MTSS1: variants seen among roughly 807,000 people sequenced by gnomAD.
MTSS1 encodes MTSS I-BAR domain containing 1, also known as protein MTSS 1.
MTSS1 carries 18 observed loss-of-function variants against 79.0 expected under a neutral mutation model. The ratio of observed to expected loss-of-function variants is 0.23; its 90% CI spans 0.16 to 0.34. The LOEUF is 0.34. Ranked by LOEUF, MTSS1 falls within the 10% of genes least tolerant of loss-of-function variation. MTSS1 has a pLI of 1.00. For synonymous variants in MTSS1, 341 were observed against 368.6 expected (o/e 0.93, Z 0.86); for missense variants, 815 against 986.2 (o/e 0.83, Z 2.33).
intron 8 of MTSS1, 48 bp downstream of exon 8, chr8:124,567,023 T>C: frequency 6.8e-7 from 1 of 1,462,982 alleles, no homozygotes; most frequent in Non-Finnish European, 9.6e-7. Context: ...GCCTTGAGCT[T>C]TTACCTCTTT....
intron 1 of MTSS1, among the ~76,000 whole-genome samples, chr8:124,712,050 G>A (rs573120184): frequency 6.6e-6 from 1 of 151,518 alleles, no homozygotes; most frequent in East Asian, 1.9e-4. Flanking sequence ...ACACAACAAA[G>A]AGTGGGTAGA....
intron 1 of MTSS1, among the ~76,000 whole-genome samples, chr8:124,705,859 G>A (rs560544526): frequency 7.5e-4 from 114 of 152,264 alleles, no homozygotes; most frequent in Middle Eastern, 6.8e-3. Flanking sequence ...TAGCAGTATC[G>A]CTATCTTCCA....
chr8:124,587,960 C>T (rs150332661), intron 5 of MTSS1, among the ~76,000 whole-genome samples: 238 of 152,296 alleles, frequency 1.6e-3, no homozygotes, highest in Non-Finnish European at 2.3e-3. Flanking sequence ...AATGAAGACA[C>T]GACTTCAGGA....
intron 3 of MTSS1, among the ~76,000 whole-genome samples, chr8:124,608,688 C>T (rs1055387590): frequency 2.6e-5 from 4 of 152,100 alleles, no homozygotes; most frequent in African/African-American, 9.7e-5. Context: ...TAGACAAAGG[C>T]AAGGATGGTA....
chr8:124,553,708 G>A lies in MTSS1; in HGVS notation c.1568-16C>T. ...TAATCTGAAACTGATTATAGGATTT[G>A]ATTAGACATATTCAAGACAGCAGCT... On this transcript the variant is annotated splice_polypyrimidine_tract_variant and intron_variant, in intron 13 of 13. Coordinates refer to ENST00000518547, the MANE Select transcript of MTSS1 (RefSeq NM_014751.6). The surrounding 1 kb of genome is among the most constrained non-coding windows in gnomAD (Gnocchi z 6.0). The A allele has an allele frequency of 1.3e-6, 2 of 1,587,680 alleles. No homozygotes were observed. Among genetic ancestry groups the A allele is most frequent in the Non-Finnish European group, 1.7e-6 (2 of 1,163,994 alleles).
At chr8:124,662,383 T>C (rs1024110133) in intron 3 of MTSS1, among the ~76,000 whole-genome samples, 3 of 152,106 alleles carry the variant, frequency 2.0e-5, no homozygotes, top group African/African-American at 7.2e-5. Flanking sequence ...AGATGTTCAA[T>C]AAATACTTCT....
intron 3 of MTSS1, among the ~76,000 whole-genome samples, chr8:124,608,588 T>G (rs549662157): frequency 1.3e-3 from 195 of 152,326 alleles, no homozygotes; most frequent in African/African-American, 4.5e-3. Flanking sequence ...TGGGGTATGA[T>G]GGGGGTCCTA....
At chr8:124,604,186 C>T (rs1445576316) in intron 3 of MTSS1, among the ~76,000 whole-genome samples, 1 of 151,952 alleles carries the variant, frequency 6.6e-6, no homozygotes, top group Non-Finnish European at 1.5e-5. Context: ...GCACTCCAGT[C>T]TGGGCAACAG....
Position 124,565,689 on chromosome 8 carries a change from G to A in MTSS1, c.797C>T (p.Thr266Ile), listed in dbSNP as rs200377242. 85 of 1,614,008 alleles carry A rather than the reference G, an allele frequency of 5.3e-5. No homozygotes were observed. The highest frequency in any genetic ancestry group is 6.8e-5 in the Non-Finnish European group (80 of 1,180,016). The stretch of plus-strand genomic sequence containing the variant: ...GCAGACACTGGACTTTCTGGACATG[G>A]TGGTGCTGGGGGAAGAGGGTGGCGT... Reference protein sequence around the residue: ...YQTPPSSPSTTMSRKSSVCSS... With the variant: ...YQTPPSSPSTIMSRKSSVCSS... The change falls in exon 9 of 14, where the codon ACC (threonine) becomes ATC (isoleucine). Residue 266 changes from threonine to isoleucine, a missense_variant. Transcript: ENST00000518547.
At chr8:124,650,548 A>T (rs1819774968) in intron 3 of MTSS1, among the ~76,000 whole-genome samples, 1 of 152,080 alleles carries the variant, frequency 6.6e-6, no homozygotes, top group African/African-American at 2.4e-5. Flanking sequence ...CGATCCTTCC[A>T]TTTTTACCCC....
Position 124,727,675 on chromosome 8 carries a change from C to T in MTSS1, c.72+209G>A. On this transcript the variant is annotated intron_variant, in intron 1 of 13. Transcript: ENST00000518547. This position sits in a 1 kb window ranked among gnomAD's most constrained non-coding sequence, Gnocchi z 4.7. ...GGAGATGGCGTGGGACAGCAGACACCCCCCAGAGAAGCCACCCGCCCAGTG... is the reference window on the plus strand; with the variant it reads ...GGAGATGGCGTGGGACAGCAGACACTCCCCAGAGAAGCCACCCGCCCAGTG... The T allele has an allele frequency of 1.5e-6, 1 of 668,940 alleles. No homozygotes were observed. The highest frequency in any genetic ancestry group is 1.8e-5 in the African/African-American group (1 of 56,020). 41.4% of individuals were successfully genotyped at this position (668,940 alleles called of 1,614,324 possible). A position where few individuals can be genotyped will look rare whatever the true frequency, so the allele number is the denominator to read the frequency against.
At chr8:124,612,790 T>G (rs889190978) in intron 3 of MTSS1, among the ~76,000 whole-genome samples, 4 of 152,022 alleles carry the variant, frequency 2.6e-5, no homozygotes, top group Non-Finnish European at 5.9e-5. Context: ...GATTAAGAAC[T>G]GTTGTGTTGG....
intron 1 of MTSS1, among the ~76,000 whole-genome samples, chr8:124,726,024 T>A (rs1168124938): frequency 6.6e-6 from 1 of 151,962 alleles, no homozygotes; most frequent in African/African-American, 2.4e-5. Flanking sequence ...TCCCATAGGA[T>A]ACTGAACAAA....
intron 1 of MTSS1, among the ~76,000 whole-genome samples, chr8:124,726,616 G>A (rs146944180): frequency 7.9e-5 from 12 of 152,332 alleles, no homozygotes; most frequent in South Asian, 2.1e-4. Context: ...TCTGAAAGGT[G>A]GAAGCAGGCC....
intron 2 of MTSS1, among the ~76,000 whole-genome samples, chr8:124,700,755 CA>C (rs1388686020): frequency 6.6e-6 from 1 of 152,152 alleles, no homozygotes; most frequent in African/African-American, 2.4e-5. Flanking sequence ...AAGCCAGGGC[CA>C]TGGATTCCAC....
At chr8:124,657,454 T>C (rs1467091149) in intron 3 of MTSS1, among the ~76,000 whole-genome samples, 3 of 148,254 alleles carry the variant, frequency 2.0e-5, no homozygotes, top group Non-Finnish European at 4.4e-5. Context: ...TCAACACATG[T>C]GTTATTAAAG....
At chr8:124,719,909 CA>C (rs1279123267) in intron 1 of MTSS1, among the ~76,000 whole-genome samples, 1 of 152,168 alleles carries the variant, frequency 6.6e-6, no homozygotes, top group East Asian at 1.9e-4. Context: ...TCCCATTTTA[CA>C]GGTAAGAAAA....
At chr8:124,724,590 G>GT (rs1833414492) in intron 1 of MTSS1, among the ~76,000 whole-genome samples, 1 of 152,146 alleles carries the variant, frequency 6.6e-6, no homozygotes, top group South Asian at 2.1e-4. Flanking sequence ...ATCCAACTTT[G>GT]TTTTTTTAAC....
rs574525617 is a variant in MTSS1, at chr8:124,629,797, C to A, written c.209-38562G>T. ...CAGACACCACACCACAAGGCCACCC[C>A]CCTCCATCTGGGAAGAACCAGGGGC... On this transcript the variant is annotated intron_variant, in intron 3 of 13. Transcript: ENST00000518547. Among the ~76,000 whole-genome samples, 8 of 152,350 alleles carry A rather than the reference C, an allele frequency of 5.3e-5. No individual in the cohort carries two copies. In the South Asian group the frequency reaches 1.7e-3, roughly 32 times the overall value.
Sources: gnomAD v4.1 joint callset for allele counts (sites outside exome capture counted in the v4.1 genomes callset) on GRCh38, gnomAD v4.1.1 for gene constraint, Gnocchi (gnomAD v3.1) non-coding constraint, MANE v1.5 for transcripts, NCBI Gene and HGNC (gene_info 2026-07-23, HGNC 2026-07-21) for gene names.